The following SV2B variants were observed in gnomAD, a reference collection of about 807,000 sequenced individuals.
The protein encoded by SV2B is synaptic vesicle glycoprotein 2B.
Under a neutral mutation model 73.9 loss-of-function variants are expected in SV2B, and 41 were observed. That is an observed-to-expected ratio of 0.56 (90% CI 0.43 to 0.72). The LOEUF (loss-of-function observed/expected upper bound fraction) is 0.72. Ranked by LOEUF, SV2B falls within the 30% of genes least tolerant of loss-of-function variation. The pLI, the probability that SV2B is intolerant of heterozygous loss-of-function variation, is 0.00. For missense variants in SV2B, 764 were observed against 857.8 expected, an observed-to-expected ratio of 0.89 and a Z score of 1.37; for synonymous variants, 314 against 314.2, an observed-to-expected ratio of 1.00 and a Z score of 0.01.
intron 2 of SV2B, among the ~76,000 whole-genome samples, chr15:91,230,137 C>T (rs534281657): frequency 3.2e-4 from 49 of 150,984 alleles, no homozygotes; most frequent in African/African-American, 1.0e-3. Flanking sequence ...GCTACTTGAG[C>T]GGCTGAGGTG....
At position 91,268,443 on chromosome 15, in the gene SV2B, A is replaced by T; in HGVS notation, c.1211A>T (p.Tyr404Phe). Residue 404 changes from tyrosine (Y) to phenylalanine (F), a missense_variant and splice_region_variant, in exon 9 of 13, where the codon TAC becomes TTC. Physicochemically the swap from Tyr to Phe is conservative, Grantham distance 22. Transcript: ENST00000394232. The surrounding 1 kb of genome is among the most constrained non-coding windows in gnomAD (Gnocchi z 4.4). ...ACCTTCTGCCTTCTCCACTCCAGTT[A>T]CTATGGACTGACAGTTTGGTTTCCT... is the stretch of plus-strand genomic sequence containing the variant. ...AVVWFAMAFS[Y>F]YGLTVWFPDM... 2 of 1,613,060 alleles carry T rather than the reference A, an allele frequency of 1.2e-6. No homozygotes were observed. Among genetic ancestry groups the T allele is most frequent in the Non-Finnish European group, 1.7e-6 (2 of 1,179,154 alleles).
intron 2 of SV2B, among the ~76,000 whole-genome samples, chr15:91,230,450 G>T (rs2046533743): frequency 6.6e-6 from 1 of 152,002 alleles, no homozygotes; most frequent in Non-Finnish European, 1.5e-5. Context: ...ATATCCCTTG[G>T]CCAGGTGACA....
chr15:91,189,522 C>T (rs2141345369), intron 1 of SV2B, among the ~76,000 whole-genome samples: 1 of 152,232 alleles, frequency 6.6e-6, no homozygotes, highest in South Asian at 2.1e-4. Context: ...ATAAAAATGT[C>T]AGTTTTCTCC....
Position 91,224,925 on chromosome 15 carries a change from A to T in SV2B, c.-391-948A>T, listed in dbSNP as rs1451618140. Among the ~76,000 whole-genome samples, 3 of 152,278 alleles carry T rather than the reference A, an allele frequency of 2.0e-5. No homozygotes were observed. Among genetic ancestry groups the T allele is most frequent in the African/African-American group, 4.8e-5 (2 of 41,548 alleles). On this transcript the variant is annotated intron_variant, in intron 1 of 12. Coordinates refer to ENST00000394232, the MANE Select transcript of SV2B (RefSeq NM_001323032.3). The surrounding 1 kb of genome is among the most constrained non-coding windows in gnomAD (Gnocchi z 4.9). ...ACTCTGATTGGAATTGGGATATAGG[A>T]TGAGATCTTGGCTCTAGACAACATT...
intron 1 of SV2B, among the ~76,000 whole-genome samples, chr15:91,181,149 A>G (rs995245322): frequency 1.4e-4 from 22 of 152,230 alleles, no homozygotes; most frequent in Admixed American, 3.3e-4. Context: ...GGAGTTTGCC[A>G]GAGGTCCACT....
At chr15:91,113,018 G>A (rs1772217056) in intron 1 of SV2B, among the ~76,000 whole-genome samples, 1 of 152,070 alleles carries the variant, frequency 6.6e-6, no homozygotes, top group Non-Finnish European at 1.5e-5. Flanking sequence ...TTTTTTGAGA[G>A]ATGGGGTCTC....
Position 91,281,604 on chromosome 15 carries a change from A to G in SV2B, c.1374-124A>G, listed in dbSNP as rs546015819. On this transcript the variant is annotated intron_variant, in intron 9 of 12. Coordinates refer to ENST00000394232, the MANE Select transcript of SV2B (RefSeq NM_001323032.3). The surrounding 1 kb of genome is among the most constrained non-coding windows in gnomAD (Gnocchi z 4.7). ...AGAAGTGGGGAAGTGGTCTGGGTTG[A>G]AAATAATGCTCTGGCACCTTTTGCT... 644 of 1,181,710 alleles carry G rather than the reference A, an allele frequency of 5.4e-4. No individual in the cohort carries two copies. Among genetic ancestry groups the G allele is most frequent in the Non-Finnish European group, 7.2e-4 (613 of 853,742 alleles). 73.2% of individuals were successfully genotyped at this position (1,181,710 alleles called of 1,614,324 possible). A position where few individuals can be genotyped will look rare whatever the true frequency, so the allele number is the denominator to read the frequency against.
rs1221764472 is a variant in SV2B, at chr15:91,266,579, C to T, written c.1009-3C>T. 1.2e-6 allele frequency: 2 copies of T among 1,611,384 alleles called. No homozygotes were observed. Among genetic ancestry groups the T allele is most frequent in the East Asian group, 2.2e-5 (1 of 44,866 alleles). On this transcript the variant is annotated splice_region_variant and splice_polypyrimidine_tract_variant and intron_variant, in intron 6 of 12. Coordinates refer to ENST00000394232, the MANE Select transcript of SV2B (RefSeq NM_001323032.3). ...TTCTCTATATCCTATTTTTACTTTTCAGGTTTCCAACATCAAAACTCCCAA... is the reference window on the plus strand; with the variant it reads ...TTCTCTATATCCTATTTTTACTTTTTAGGTTTCCAACATCAAAACTCCCAA...
intron 2 of SV2B, among the ~76,000 whole-genome samples, chr15:91,235,399 C>T (rs1458112442): frequency 6.6e-6 from 1 of 152,090 alleles, no homozygotes; most frequent in East Asian, 1.9e-4. Flanking sequence ...TATTACAAAG[C>T]TTATGAGTAA....
At chr15:91,251,237 C>G (rs188995007) in intron 2 of SV2B, among the ~76,000 whole-genome samples, 2 of 152,314 alleles carry the variant, frequency 1.3e-5, no homozygotes, top group East Asian at 3.9e-4. Context: ...GTTGAGAAAA[C>G]TGGATATTAC....
intron 1 of SV2B, among the ~76,000 whole-genome samples, chr15:91,174,444 A>G (rs2044231348): frequency 6.6e-6 from 1 of 152,030 alleles, no homozygotes; most frequent in African/African-American, 2.4e-5. Flanking sequence ...CTGGTTGGAA[A>G]TTGAATGTTG....
At chr15:91,209,660 C>A (rs978956772) in intron 1 of SV2B, among the ~76,000 whole-genome samples, 2 of 152,110 alleles carry the variant, frequency 1.3e-5, no homozygotes, top group African/African-American at 4.8e-5. Context: ...CAGGTAGAGA[C>A]CTGGGTTTGA....
At chr15:91,165,286 G>A (rs59119768) in intron 1 of SV2B, among the ~76,000 whole-genome samples, 15,842 of 152,146 alleles carry the variant, frequency 0.1, 1,011 homozygotes, top group South Asian at 0.22. Context: ...AGCCGAGATC[G>A]CATCATTGCA....
rs1038463764 is a variant in SV2B at position 91,214,466 on chromosome 15, T to C, written c.-391-11407T>C. On this transcript the variant is annotated intron_variant, in intron 1 of 12. Coordinates refer to ENST00000394232, the MANE Select transcript of SV2B (RefSeq NM_001323032.3). This position sits in a 1 kb window ranked among gnomAD's most constrained non-coding sequence, Gnocchi z 4.7. ...CAAACATTTTGAAAATGTTAACTCA[T>C]TTAATTCTCATAACAATGCAATGAA... Among the ~76,000 whole-genome samples the C allele has an allele frequency of 6.6e-6, 1 of 152,224 alleles. No individual in the cohort carries two copies. The highest frequency in any genetic ancestry group is 2.4e-5 in the African/African-American group (1 of 41,456).
chr15:91,230,882 T>C (rs1165915046), intron 2 of SV2B, among the ~76,000 whole-genome samples: 1 of 152,182 alleles, frequency 6.6e-6, no homozygotes, highest in Admixed American at 6.5e-5. Context: ...CTTATCACTT[T>C]TATTCAGATA....
intron 1 of SV2B, among the ~76,000 whole-genome samples, chr15:91,170,470 T>C (rs544723693): frequency 7.9e-5 from 12 of 152,310 alleles, no homozygotes; most frequent in African/African-American, 2.6e-4. Flanking sequence ...GTATTTTTAA[T>C]AGAGACAGAG....
chr15:91,187,630 C>T (rs1347989478), intron 1 of SV2B, among the ~76,000 whole-genome samples: 1 of 151,566 alleles, frequency 6.6e-6, no homozygotes, highest in African/African-American at 2.4e-5. Context: ...CAAATAGTGA[C>T]AACCTGCAAT....
intron 1 of SV2B, among the ~76,000 whole-genome samples, chr15:91,222,932 T>A (rs890363274): frequency 2.6e-5 from 4 of 152,262 alleles, no homozygotes; most frequent in African/African-American, 9.6e-5. Context: ...ACTAGGCTTG[T>A]TGAATGTATT....
rs185602068 is a variant in SV2B, at chr15:91,149,413, G to A, written c.-392+49050G>A. ...TTCTTGATCTTTTAAAAAATTAAGAGCTGGTGATTGATTCTAAGTCTCAGA... is the reference window on the plus strand; with the variant it reads ...TTCTTGATCTTTTAAAAAATTAAGAACTGGTGATTGATTCTAAGTCTCAGA... On this transcript the variant is annotated intron_variant, in intron 1 of 12. Coordinates refer to ENST00000394232, the MANE Select transcript of SV2B (RefSeq NM_001323032.3). 3.2e-4 allele frequency among the ~76,000 whole-genome samples: 49 copies of A among 152,322 alleles called. No homozygotes were observed. In the East Asian group the frequency reaches 8.3e-3, roughly 26 times the overall value.
Sources: gnomAD v4.1 joint callset for allele counts (sites outside exome capture counted in the v4.1 genomes callset) on GRCh38, gnomAD v4.1.1 for gene constraint, Gnocchi (gnomAD v3.1) non-coding constraint, MANE v1.5 for transcripts, NCBI Gene and HGNC (gene_info 2026-07-23, HGNC 2026-07-21) for gene names.